Variants in PTPN9 observed in about 807,000 individuals in gnomAD.
PTPN9 encodes tyrosine-protein phosphatase non-receptor type 9.
In PTPN9, 26 loss-of-function variants were observed where a neutral mutation model predicts 69.8. That is an observed-to-expected ratio of 0.37 (90% CI 0.27 to 0.52). The LOEUF (loss-of-function observed/expected upper bound fraction) is 0.52, where lower values mean the gene tolerates loss of function less well. PTPN9 is among the 20% of genes least tolerant of loss of function. The pLI, the probability that PTPN9 is intolerant of heterozygous loss-of-function variation, is 0.91. For synonymous variants in PTPN9, 274 were observed against 272.5 expected (o/e 1.01, Z -0.05); for missense variants, 549 against 740.3 (o/e 0.74, Z 3.00).
chr15:75,524,926 G>A (rs756940078), intron 2 of PTPN9, among the ~76,000 whole-genome samples: 5 of 152,046 alleles, frequency 3.3e-5, no homozygotes, highest in Non-Finnish European at 5.9e-5. Flanking sequence ...CCCTCAGGTA[G>A]GGTATTTTTC....
Position 75,464,873 on chromosome 15 carries a change from G to A in PTPN9, c.*3896C>T, listed in dbSNP as rs548568630. ...TGAAGACTGATAAGGGTGGGCCTCC[G>A]AGGCTGAGGATGCTGGGGCACCCTT... On this transcript the variant is annotated 3_prime_UTR_variant, in exon 13 of 13. Transcript: ENST00000618819. 1.3e-5 allele frequency: 2 copies of A among 152,234 alleles called. No individual in the cohort carries two copies. The highest frequency in any genetic ancestry group is 2.4e-5 in the African/African-American group (1 of 41,544). The allele number at this position is 152,234 out of a possible 1,614,324, so 9.4% of individuals were successfully genotyped here.
At chr15:75,539,112 C>T (rs892453181) in intron 1 of PTPN9, among the ~76,000 whole-genome samples, 3 of 151,920 alleles carry the variant, frequency 2.0e-5, no homozygotes, top group Admixed American at 6.6e-5. Flanking sequence ...TTTGGCCGGG[C>T]GTGGTGGCTC....
rs114768415 is a variant in PTPN9, at chr15:75,511,306, C to T, written c.529-2279G>A. The stretch of plus-strand genomic sequence containing the variant: ...TCACTCTGTTGCCCAGGCTGGAGTA[C>T]GATGGCACCATCATGGCTCACTGTA... On this transcript the variant is annotated intron_variant, in intron 5 of 12. Coordinates refer to ENST00000618819, the MANE Select transcript of PTPN9 (RefSeq NM_002833.4). Among the ~76,000 whole-genome samples, 1,305 of 152,058 alleles carry T rather than the reference C, an allele frequency of 8.6e-3. 20 individuals carry two copies. Among genetic ancestry groups the T allele is most frequent in the African/African-American group, 0.029 (1,193 of 41,474 alleles).
chr15:75,549,663 A>G (rs1404785656), intron 1 of PTPN9, among the ~76,000 whole-genome samples: 2 of 152,180 alleles, frequency 1.3e-5, no homozygotes, highest in Non-Finnish European at 2.9e-5. Context: ...GTAACAGCCC[A>G]TAATGAGGCA....
Position 75,527,228 on chromosome 15 carries a change from A to C in PTPN9, c.97T>G (p.Trp33Gly), listed in dbSNP as rs1178706660. The change falls in exon 2 of 13, where the codon TGG becomes GGG. Residue 33 changes from tryptophan to glycine, a missense_variant. Trp to Gly is a radical substitution (Grantham distance 184). Transcript: ENST00000618819. ...TKQFLEEINKWTVQYNVSPLS... is the reference protein window; with the variant it reads ...TKQFLEEINKGTVQYNVSPLS... ...GGGGAAACATTGTACTGAACTGTCC[A>C]CTTGTTAATCTCTTCGAGAAACTGC... 1 of 1,614,174 alleles carries C rather than the reference A, an allele frequency of 6.2e-7. No individual in the cohort carries two copies. Among genetic ancestry groups the C allele is most frequent in the Admixed American group, 1.7e-5 (1 of 60,012 alleles).
intron 1 of PTPN9, among the ~76,000 whole-genome samples, chr15:75,537,253 G>T (rs566832573): frequency 4.3e-4 from 65 of 149,456 alleles, no homozygotes; most frequent in Non-Finnish European, 8.4e-4. Context: ...TCAGGAGGCT[G>T]AGGCAAGAGA....
intron 1 of PTPN9, among the ~76,000 whole-genome samples, chr15:75,577,287 C>G (rs1450992604): frequency 6.6e-6 from 1 of 152,136 alleles, no homozygotes; most frequent in African/African-American, 2.4e-5. Context: ...ATCTGACTGA[C>G]CCAAGGAAAA....
In PTPN9 at chr15:75,468,990, A is replaced by T; in HGVS notation, c.1568-7T>A. On this transcript the variant is annotated splice_region_variant and splice_polypyrimidine_tract_variant and intron_variant, in intron 12 of 12. Transcript: ENST00000618819. Reference sequence around the variant, plus strand: ...TCCAGTGAGCAGAAGGTACCTGAAGAAGGAAGGAAGTGATCACATCTGGTT... The same window carrying T: ...TCCAGTGAGCAGAAGGTACCTGAAGTAGGAAGGAAGTGATCACATCTGGTT... 1.2e-6 allele frequency: 2 copies of T among 1,605,402 alleles called. No individual in the cohort carries two copies. Among genetic ancestry groups the T allele is most frequent in the Non-Finnish European group, 1.7e-6 (2 of 1,172,754 alleles).
Position 75,575,918 on chromosome 15 carries a change from CA to C in PTPN9, c.63+2795del, listed in dbSNP as rs759810846. 9.2e-3 allele frequency among the ~76,000 whole-genome samples: 362 copies of C among 39,282 alleles called. 1 individual carries two copies. Among genetic ancestry groups the C allele is most frequent in the African/African-American group, 0.029 (262 of 9,148 alleles). The allele number at this position is 39,282 out of a possible 152,430, so 25.8% of individuals were successfully genotyped here. A position where few individuals can be genotyped will look rare whatever the true frequency, so the allele number is the denominator to read the frequency against. ...TGGGCAACAGAGCAAGACTCCATCT[CA>C]AAAAAAAAAAAAAAAAAAAAAAGAG... On this transcript the variant is annotated intron_variant, in intron 1 of 12. Coordinates refer to ENST00000618819, the MANE Select transcript of PTPN9 (RefSeq NM_002833.4).
chr15:75,513,905 C>T (rs762741379), intron 5 of PTPN9, among the ~76,000 whole-genome samples: 2 of 151,626 alleles, frequency 1.3e-5, no homozygotes, highest in Non-Finnish European at 2.9e-5. Flanking sequence ...TAGAGTCTAG[C>T]CTGGCCAACA....
intron 8 of PTPN9, among the ~76,000 whole-genome samples, chr15:75,489,145 A>C (rs2074695333): frequency 7.0e-6 from 1 of 142,654 alleles, no homozygotes; most frequent in African/African-American, 2.7e-5. Context: ...ACTGCACTCC[A>C]GCCTGGGGGA....
chr15:75,501,769 T>A (rs2074773978), intron 7 of PTPN9, among the ~76,000 whole-genome samples: 1 of 152,192 alleles, frequency 6.6e-6, no homozygotes, highest in African/African-American at 2.4e-5. Context: ...CTAGTTTCTG[T>A]AGTTTTCAAC....
rs1392816546 is a variant in PTPN9 at position 75,464,859 on chromosome 15, A to G, written c.*3910T>C. 2 of 152,188 alleles carry G rather than the reference A, an allele frequency of 1.3e-5. No individual in the cohort carries two copies. The highest frequency in any genetic ancestry group is 2.9e-5 in the Non-Finnish European group (2 of 68,038). 9.4% of individuals were successfully genotyped at this position (152,188 alleles called of 1,614,324 possible). On this transcript the variant is annotated 3_prime_UTR_variant, in exon 13 of 13. Transcript: ENST00000618819. ...TGCATACTGTCACATGAAGACTGAT[A>G]AGGGTGGGCCTCCGAGGCTGAGGAT... is the stretch of plus-strand genomic sequence containing the variant.
intron 1 of PTPN9, among the ~76,000 whole-genome samples, chr15:75,532,250 C>T (rs1167019339): frequency 2.0e-5 from 3 of 151,898 alleles, no homozygotes; most frequent in Non-Finnish European, 4.4e-5. Flanking sequence ...AAAATACAAA[C>T]AATTAACAGG....
At chr15:75,572,671 C>A (rs773138331) in intron 1 of PTPN9, among the ~76,000 whole-genome samples, 2 of 151,538 alleles carry the variant, frequency 1.3e-5, no homozygotes, top group African/African-American at 4.8e-5. Context: ...GCTGAGACTG[C>A]GCTCCAGCCT....
At chr15:75,512,973 A>T (rs2074851622) in intron 5 of PTPN9, 1 of 399,380 alleles carries the variant, frequency 2.5e-6, no homozygotes, top group South Asian at 2.0e-5. Context: ...TCCATTCGCC[A>T]CTTAAGTTTC....
chr15:75,488,269 G>A (rs377177443), intron 8 of PTPN9, among the ~76,000 whole-genome samples: 7 of 151,856 alleles, frequency 4.6e-5, no homozygotes, highest in African/African-American at 1.4e-4. Flanking sequence ...CAACAAGAGC[G>A]AAACTCTGTC....
In PTPN9 at chr15:75,472,953, GA is replaced by G. The variant is rs879420853; in HGVS notation, c.1208+735del. On this transcript the variant is annotated intron_variant, in intron 10 of 12. Transcript: ENST00000618819. ...GGCAGAGTGAGACTCCATCTCAGAAGAAAAAAAAAAAAAGTAGCAACAAATG... is the reference window on the plus strand; with the variant it reads ...GGCAGAGTGAGACTCCATCTCAGAAGAAAAAAAAAAAAGTAGCAACAAATG... Among the ~76,000 whole-genome samples the G allele has an allele frequency of 4.8e-3, 624 of 130,716 alleles. 2 individuals carry two copies. The highest frequency in any genetic ancestry group is 8.4e-3 in the East Asian group (39 of 4,626). 85.8% of individuals were successfully genotyped at this position (130,716 alleles called of 152,430 possible).
At chr15:75,532,979 G>C (rs563624542) in intron 1 of PTPN9, among the ~76,000 whole-genome samples, 4 of 152,158 alleles carry the variant, frequency 2.6e-5, no homozygotes, top group Non-Finnish European at 5.9e-5. Flanking sequence ...TCTTCAGAAG[G>C]GATAATTGAA....
Sources: gnomAD v4.1 joint callset for allele counts (sites outside exome capture counted in the v4.1 genomes callset) on GRCh38, gnomAD v4.1.1 for gene constraint, MANE v1.5 for transcripts, NCBI Gene and HGNC (gene_info 2026-07-23, HGNC 2026-07-21) for gene names.